The following OPRM1 variants were observed in gnomAD, a reference collection of about 807,000 sequenced individuals.
OPRM1 encodes opioid receptor mu 1.
OPRM1 carries 27 observed loss-of-function variants against 31.8 expected under a neutral mutation model. The ratio of observed to expected loss-of-function variants is 0.85; its 90% CI spans 0.63 to 1.17. The LOEUF (loss-of-function observed/expected upper bound fraction) is 1.17, where lower values mean the gene tolerates loss of function less well. Among genes scored for constraint, OPRM1 ranks in the 50% most tolerant of loss-of-function variants. The pLI is 0.00. For missense variants in OPRM1, 536 were observed against 511.1 expected (o/e 1.05, Z -0.47); for synonymous variants, 196 against 189.9 (o/e 1.03, Z -0.26).
At chr6:154,245,027 T>C (rs762108923) in intron 3 of OPRM1, among the ~76,000 whole-genome samples, 6 of 152,100 alleles carry the variant, frequency 3.9e-5, no homozygotes, top group African/African-American at 2.4e-5. Flanking sequence ...GAAAGAGACA[T>C]TTATATTAAC....
chr6:154,134,680 C>T (rs1463203144), downstream of OPRM1, among the ~76,000 whole-genome samples: 2 of 152,176 alleles, frequency 1.3e-5, no homozygotes, highest in Admixed American at 6.5e-5. Context: ...AGACTCCTCA[C>T]CCTCAAGCTT....
At chr6:154,199,535 G>T in intron 3 of OPRM1, 2 of 1,060,764 alleles carry the variant, frequency 1.9e-6, no homozygotes, top group Non-Finnish European at 2.6e-6. Flanking sequence ...CAACCTCTGG[G>T]CATAGCCCCA....
chr6:154,011,675 CTTTA>C (rs1777737428), intron 1 of OPRM1, among the ~76,000 whole-genome samples: 1 of 152,088 alleles, frequency 6.6e-6, no homozygotes, highest in Non-Finnish European at 1.5e-5. Flanking sequence ...CAGTTTTCCA[CTTTA>C]TTTGTGTGTA....
intron 1 of OPRM1, among the ~76,000 whole-genome samples, chr6:154,022,711 T>C (rs986988216): frequency 2.0e-5 from 3 of 152,228 alleles, no homozygotes; most frequent in Non-Finnish European, 4.4e-5. Context: ...TAATTCATTT[T>C]GATTTGATTT....
In OPRM1 at chr6:154,129,819, A is replaced by C; in HGVS notation, c.*11098A>C. 6.7e-6 allele frequency among the ~76,000 whole-genome samples: 1 copy of C among 149,586 alleles called. No individual in the cohort carries two copies. Among genetic ancestry groups the C allele is most frequent in the African/African-American group, 2.5e-5 (1 of 40,198 alleles). On this transcript the variant is annotated 3_prime_UTR_variant, in exon 4 of 4. Coordinates refer to ENST00000330432, the MANE Select transcript of OPRM1 (RefSeq NM_000914.5). ...TATCAGTCAGGCACTTTGCATTTTA[A>C]GCGTACTTTACCACCGACACCCTCC...
rs1046432575 is a variant in OPRM1 at position 154,125,254 on chromosome 6, C to T, written c.*6533C>T. Among the ~76,000 whole-genome samples the T allele has an allele frequency of 3.9e-5, 6 of 152,160 alleles. No homozygotes were observed. Among genetic ancestry groups the T allele is most frequent in the Admixed American group, 3.9e-4 (6 of 15,290 alleles). On this transcript the variant is annotated 3_prime_UTR_variant, in exon 4 of 4. Transcript: ENST00000330432. ...TATATCCCATGTAAGGGGCTACTGA[C>T]AATTTTGATGGTACCTGAATTTGCC... is the stretch of plus-strand genomic sequence containing the variant.
chr6:154,071,538 A>G (rs146857077), intron 1 of OPRM1, among the ~76,000 whole-genome samples: 37 of 151,738 alleles, frequency 2.4e-4, no homozygotes, highest in African/African-American at 8.5e-4. Context: ...AACCCCCAGG[A>G]ATATCCCTGT....
Position 154,102,936 on chromosome 6 carries a change from A to C in OPRM1, c.1164+11464A>C, listed in dbSNP as rs961701778. 1.5e-4 allele frequency among the ~76,000 whole-genome samples: 22 copies of C among 148,166 alleles called. No individual in the cohort carries two copies. In the East Asian group the frequency reaches 3.9e-3, roughly 26 times the overall value. ...CCAGTTGCAAAAAAAAAAAAAAAAA[A>C]CACTCCATACTCATGGAAGACAAGA... On this transcript the variant is annotated intron_variant, in intron 3 of 3. Transcript: ENST00000330432.
chr6:154,180,341 A>G (rs1015004129), intron 3 of OPRM1, among the ~76,000 whole-genome samples: 4 of 126,936 alleles, frequency 3.2e-5, no homozygotes, highest in Non-Finnish European at 7.0e-5. Context: ...GACTCAAGAA[A>G]GGAGACATAT....
At chr6:154,142,178 A>T (rs1399304933) in intron 3 of OPRM1, among the ~76,000 whole-genome samples, 1 of 53,416 alleles carries the variant, frequency 1.9e-5, no homozygotes, top group East Asian at 4.3e-4. Context: ...GCAGGGCAGG[A>T]CAGGACTCCC....
rs968231224 is a variant in OPRM1, at chr6:154,119,485, C to T, written c.*764C>T. 2.0e-6 allele frequency: 2 copies of T among 978,816 alleles called. No individual in the cohort carries two copies. The highest frequency in any genetic ancestry group is 1.8e-5 in the African/African-American group (1 of 57,090). The allele number at this position is 978,816 out of a possible 1,614,324, so 60.6% of individuals were successfully genotyped here. ...CAGTTTTAAATGTGCAATTTTCTTG[C>T]TCCTATTTAAGTGTTCACAAAAGGT... On this transcript the variant is annotated 3_prime_UTR_variant, in exon 4 of 4. Transcript: ENST00000330432.
intron 3 of OPRM1, among the ~76,000 whole-genome samples, chr6:154,117,582 T>G (rs903151446): frequency 5.9e-5 from 9 of 152,066 alleles, no homozygotes; most frequent in Admixed American, 5.9e-4. Flanking sequence ...GGGGGAGCAA[T>G]AAACAAACCT....
chr6:154,162,382 C>T (rs1278469244), intron 3 of OPRM1, among the ~76,000 whole-genome samples: 1 of 152,202 alleles, frequency 6.6e-6, no homozygotes, highest in African/African-American at 2.4e-5. Context: ...TCAGTCCCAT[C>T]AGGGTTTGGC....
At chr6:154,225,677 G>T (rs1470149132) in intron 3 of OPRM1, among the ~76,000 whole-genome samples, 1 of 152,200 alleles carries the variant, frequency 6.6e-6, no homozygotes, top group Non-Finnish European at 1.5e-5. Flanking sequence ...AGATGAGGGG[G>T]TTGCACAACA....
intron 3 of OPRM1, among the ~76,000 whole-genome samples, chr6:154,184,672 C>T (rs992845092): frequency 6.6e-6 from 1 of 151,880 alleles, no homozygotes; most frequent in Non-Finnish European, 1.5e-5. Context: ...AATAAAAGTA[C>T]AATATATTTT....
chr6:154,044,559 T>G (rs1780727156), intron 1 of OPRM1, among the ~76,000 whole-genome samples: 2 of 152,130 alleles, frequency 1.3e-5, no homozygotes, highest in Non-Finnish European at 2.9e-5. Flanking sequence ...TTGTAAAAAT[T>G]TATTTGCAAG....
intron 3 of OPRM1, chr6:154,160,158 G>T: frequency 1.3e-6 from 1 of 758,912 alleles, no homozygotes. Context: ...AAGCATTTTT[G>T]CACGTTAATG....
chr6:154,226,809 C>T (rs1008013249), intron 3 of OPRM1, among the ~76,000 whole-genome samples: 1 of 152,100 alleles, frequency 6.6e-6, no homozygotes, highest in Non-Finnish European at 1.5e-5. Context: ...GATGAAAGAC[C>T]CTTTATAATC....
intron 1 of OPRM1, among the ~76,000 whole-genome samples, chr6:154,051,897 G>T (rs1183377926): frequency 6.6e-6 from 1 of 152,084 alleles, no homozygotes; most frequent in Non-Finnish European, 1.5e-5. Flanking sequence ...TTGTAGCACT[G>T]TTTACAATAG....
Sources: allele counts gnomAD v4.1 joint callset (sites outside exome capture counted in the v4.1 genomes callset), GRCh38; gene constraint gnomAD v4.1.1; transcripts MANE v1.5; gene names NCBI Gene and HGNC (gene_info 2026-07-23, HGNC 2026-07-21).